DDX46: variants seen among roughly 807,000 people sequenced by gnomAD.
DDX46 encodes DEAD-box helicase 46.
Under a neutral mutation model 134.9 loss-of-function variants are expected in DDX46, and 30 were observed. That is an observed-to-expected ratio of 0.22 (90% CI 0.17 to 0.30). The LOEUF (loss-of-function observed/expected upper bound fraction) is 0.30, where lower values mean the gene tolerates loss of function less well. DDX46 is among the 10% of genes least tolerant of loss of function. The pLI is 1.00. For missense variants in DDX46, 622 were observed against 1,248.7 expected, an observed-to-expected ratio of 0.50 and a Z score of 7.56; for synonymous variants, 415 against 404.1, an observed-to-expected ratio of 1.03 and a Z score of -0.32.
chr5:134,781,650 GA>G (rs1169869617), intron 7 of DDX46, among the ~76,000 whole-genome samples: 6 of 151,344 alleles, frequency 4.0e-5, no homozygotes, highest in South Asian at 2.1e-4. Flanking sequence ...TAAAGGCAAA[GA>G]AAAAAAAACT....
In DDX46 at chr5:134,770,807, A is replaced by G. The variant is rs564475758; in HGVS notation, c.351-96A>G. On this transcript the variant is annotated intron_variant, in intron 3 of 22. Transcript: ENST00000452510. ...ACTCCAGTCTGGGCGACAGAGTGAG[A>G]CACTGTCTCAAAAAAAAAAAAAAAA... 5 of 1,061,700 alleles carry G rather than the reference A, an allele frequency of 4.7e-6. No homozygotes were observed. In the African/African-American group the frequency reaches 8.4e-5, roughly 18 times the overall value. 65.8% of individuals were successfully genotyped at this position (1,061,700 alleles called of 1,614,324 possible). A position where few individuals can be genotyped will look rare whatever the true frequency, so the allele number is the denominator to read the frequency against.
intron 21 of DDX46, among the ~76,000 whole-genome samples, chr5:134,822,178 C>A (rs1755474933): frequency 6.6e-6 from 1 of 151,558 alleles, no homozygotes; most frequent in African/African-American, 2.4e-5. Context: ...CGTGCCCAGC[C>A]AGGTATTTTC....
chr5:134,790,483 T>G lies in DDX46; in HGVS notation c.1557T>G (p.Asn519Lys). The G allele has an allele frequency of 6.2e-7, 1 of 1,612,128 alleles. No homozygotes were observed. Among genetic ancestry groups the G allele is most frequent in the Non-Finnish European group, 8.5e-7 (1 of 1,179,616 alleles). ...MLAANSGRVT[N>K]LRRVTYVVLD... The stretch of plus-strand genomic sequence containing the variant: ...TTTTCATCTTAGGTCGGGTCACAAA[T>G]CTTCGAAGAGTGACATATGTTGTTT... The change falls in exon 13 of 23, where the codon AAT (asparagine) becomes AAG (lysine). Residue 519 changes from asparagine (N) to lysine (K), a missense_variant. Coordinates refer to ENST00000452510, the MANE Select transcript of DDX46 (RefSeq NM_001300860.2).
chr5:134,809,619 C>T (rs1049898127), intron 16 of DDX46, among the ~76,000 whole-genome samples: 1 of 152,022 alleles, frequency 6.6e-6, no homozygotes, highest in African/African-American at 2.4e-5. Flanking sequence ...TCGTGATCTG[C>T]CCGCCTTGGC....
intron 21 of DDX46, among the ~76,000 whole-genome samples, chr5:134,821,818 G>A (rs1233383675): frequency 1.3e-5 from 2 of 151,446 alleles, no homozygotes; most frequent in Non-Finnish European, 2.9e-5. Flanking sequence ...GCCTCCCAAA[G>A]TGCTGGGATT....
At chr5:134,827,881 G>A (rs1158722414) in intron 22 of DDX46, among the ~76,000 whole-genome samples, 1 of 151,952 alleles carries the variant, frequency 6.6e-6, no homozygotes, top group East Asian at 1.9e-4. Context: ...TTTTTTCCTT[G>A]GGTATATACC....
At position 134,802,354 on chromosome 5, in the gene DDX46, G is replaced by C. The variant is rs192845168; in HGVS notation, c.1955-5394G>C. ...TAACTGTATTTTTAGTAGAGACAGG[G>C]TTTCATCATGTTGGTCAGGCTGGTC... On this transcript the variant is annotated intron_variant, in intron 15 of 22. Coordinates refer to ENST00000452510, the MANE Select transcript of DDX46 (RefSeq NM_001300860.2). 8.6e-5 allele frequency among the ~76,000 whole-genome samples: 13 copies of C among 151,892 alleles called. No individual in the cohort carries two copies. In the East Asian group the frequency reaches 2.5e-3, roughly 29 times the overall value.
chr5:134,801,378 G>T (rs1038837678), intron 15 of DDX46, among the ~76,000 whole-genome samples: 1 of 151,956 alleles, frequency 6.6e-6, no homozygotes, highest in South Asian at 2.1e-4. Flanking sequence ...CAAGTTCCAA[G>T]TTCTTGCATA....
At chr5:134,770,480 C>CT (rs1180314049) in intron 3 of DDX46, among the ~76,000 whole-genome samples, 2 of 152,084 alleles carry the variant, frequency 1.3e-5, no homozygotes, top group Non-Finnish European at 2.9e-5. Flanking sequence ...TCCCAAAGTG[C>CT]TGGGTATATA....
intron 15 of DDX46, chr5:134,797,167 C>CAATAAAAAA (rs1754681257): frequency 4.5e-5 from 1 of 22,272 alleles, no homozygotes; most frequent in Non-Finnish European, 9.0e-5. Flanking sequence ...AACTCCGTCT[C>CAATAAAAAA]AAAAAAAAAA....
At chr5:134,784,987 A>G (rs1301397242) in intron 10 of DDX46, among the ~76,000 whole-genome samples, 1 of 152,194 alleles carries the variant, frequency 6.6e-6, no homozygotes, top group Admixed American at 6.5e-5. Flanking sequence ...TTCTTGATTC[A>G]TCTTGGCAGA....
chr5:134,773,931 G>A, intron 5 of DDX46, 70 bp downstream of exon 5: 1 of 1,376,064 alleles, frequency 7.3e-7, no homozygotes, highest in Non-Finnish European at 9.6e-7. Context: ...ATTTCATAAG[G>A]GGTTTTTAAT....
At chr5:134,774,517 G>A (rs1753873370) in intron 5 of DDX46, among the ~76,000 whole-genome samples, 1 of 152,246 alleles carries the variant, frequency 6.6e-6, no homozygotes, top group East Asian at 1.9e-4. Context: ...TAATATTTAT[G>A]TTGTAATTTG....
In DDX46 at chr5:134,783,777, T is replaced by G. The variant is rs1754244107; in HGVS notation, c.1167-589T>G. ...TTGGTGAGGGTGGTCTCGAACTCTC[T>G]ACCTCAGATGATCCACCCGCTGCGG... On this transcript the variant is annotated intron_variant, in intron 9 of 22. Transcript: ENST00000452510. Among the ~76,000 whole-genome samples, 3 of 149,942 alleles carry G rather than the reference T, an allele frequency of 2.0e-5. No homozygotes were observed. The South Asian group carries it at 6.4e-4, about 32-fold the overall frequency.
chr5:134,764,709 G>A (rs1457058617), intron 2 of DDX46, among the ~76,000 whole-genome samples: 2 of 151,964 alleles, frequency 1.3e-5, no homozygotes, highest in African/African-American at 2.4e-5. Flanking sequence ...TATTCAAGAG[G>A]GTTCTATTCC....
chr5:134,798,515 A>G (rs985316233), intron 15 of DDX46, among the ~76,000 whole-genome samples: 4 of 152,048 alleles, frequency 2.6e-5, no homozygotes, highest in Non-Finnish European at 5.9e-5. Context: ...AGAATGTACC[A>G]TTTTTTGTAT....
At chr5:134,806,510 G>T (rs528586316) in intron 15 of DDX46, among the ~76,000 whole-genome samples, 3 of 152,122 alleles carry the variant, frequency 2.0e-5, no homozygotes, top group African/African-American at 7.2e-5. Context: ...AAAAGTTTTG[G>T]TATTTTCAAA....
At chr5:134,815,114 C>T (rs565929227) in intron 18 of DDX46, among the ~76,000 whole-genome samples, 1 of 152,136 alleles carries the variant, frequency 6.6e-6, no homozygotes, top group Non-Finnish European at 1.5e-5. Flanking sequence ...GCTGGACGTG[C>T]TAGTGCACGC....
chr5:134,781,791 G>C, intron 7 of DDX46, 130 bp from the exon 8 acceptor site: 1 of 860,684 alleles, frequency 1.2e-6, no homozygotes, highest in Non-Finnish European at 1.8e-6. Context: ...GGGTCAAACA[G>C]TGTGTCGTAG....
Sources: allele counts gnomAD v4.1 joint callset (sites outside exome capture counted in the v4.1 genomes callset), GRCh38; gene constraint gnomAD v4.1.1; transcripts MANE v1.5; gene names NCBI Gene and HGNC (gene_info 2026-07-23, HGNC 2026-07-21).